The following SLC9A7 variants were observed in gnomAD, a reference collection of about 807,000 sequenced individuals.
SLC9A7 encodes solute carrier family 9 member A7.
A neutral mutation model predicts 52.6 loss-of-function variants in SLC9A7; 19 were observed. That is an observed-to-expected ratio of 0.36 (90% CI 0.25 to 0.53). The LOEUF (loss-of-function observed/expected upper bound fraction) is 0.53. Ranked by LOEUF, SLC9A7 falls within the 20% of genes least tolerant of loss-of-function variation. The pLI, the probability that SLC9A7 is intolerant of heterozygous loss-of-function variation, is 0.91. For synonymous variants in SLC9A7, 226 were observed against 252.1 expected, an observed-to-expected ratio of 0.90 and a Z score of 0.98; for missense variants, 455 against 597.9, an observed-to-expected ratio of 0.76 and a Z score of 2.49.
At chrX:46,608,060 T>C (rs1347022189) in intron 16 of SLC9A7, among the ~76,000 whole-genome samples, 1 of 112,423 alleles carries the variant, frequency 8.9e-6, no homozygotes, top group Non-Finnish European at 1.9e-5. Context: ...CATCCTCTTA[T>C]GAGACAGAGC....
intron 1 of SLC9A7, chrX:46,684,929 A>C (rs1022424053): frequency 8.8e-6 from 1 of 113,345 alleles, no homozygotes; most frequent in African/African-American, 3.3e-5. Context: ...GGGGCCCTGG[A>C]GATTCGTGGT....
rs1268972520 is a variant in SLC9A7 at position 46,605,032 on chromosome X, A to T, written c.*1920T>A. Reference sequence around the variant, plus strand: ...GGTGAAACCCCGTCTCTACTAAAAAATACAAAAAATTAGCCAGGCGTGGTG... The same window carrying T: ...GGTGAAACCCCGTCTCTACTAAAAATTACAAAAAATTAGCCAGGCGTGGTG... On this transcript the variant is annotated 3_prime_UTR_variant, in exon 17 of 17. Coordinates refer to ENST00000616978, the MANE Select transcript of SLC9A7 (RefSeq NM_001257291.2). 3 of 110,489 alleles carry T rather than the reference A, an allele frequency of 2.7e-5. No individual in the cohort carries two copies. Among genetic ancestry groups the T allele is most frequent in the African/African-American group, 9.9e-5 (3 of 30,342 alleles). The allele number at this position is 110,489 out of a possible 1,213,427, so 9.1% of individuals were successfully genotyped here. A position where few individuals can be genotyped will look rare whatever the true frequency, so the allele number is the denominator to read the frequency against.
chrX:46,699,486 A>G (rs1944497594), intron 1 of SLC9A7, among the ~76,000 whole-genome samples: 1 of 111,987 alleles, frequency 8.9e-6, no homozygotes, highest in Admixed American at 9.5e-5. Flanking sequence ...ACTGAGTTCA[A>G]TATGGTATCC....
At chrX:46,689,324 C>G (rs1944347262) in intron 1 of SLC9A7, among the ~76,000 whole-genome samples, 1 of 112,348 alleles carries the variant, frequency 8.9e-6, no homozygotes, top group Non-Finnish European at 1.9e-5. Flanking sequence ...GAGGTTCATC[C>G]AAGTATTGTG....
At chrX:46,675,035 G>C (rs1459983456) in intron 3 of SLC9A7, among the ~76,000 whole-genome samples, 3 of 108,352 alleles carry the variant, frequency 2.8e-5, no homozygotes, top group African/African-American at 1.0e-4. Context: ...GTGAGGGAGA[G>C]AGAGAGAGAA....
intron 1 of SLC9A7, among the ~76,000 whole-genome samples, chrX:46,703,371 T>C (rs974617128): frequency 1.8e-5 from 2 of 112,323 alleles, no homozygotes; most frequent in Non-Finnish European, 3.8e-5. Context: ...GGTTTTCTAC[T>C]AGGATTAATA....
intron 1 of SLC9A7, among the ~76,000 whole-genome samples, chrX:46,739,220 C>A (rs1045624718): frequency 1.4e-4 from 16 of 111,649 alleles, no homozygotes; most frequent in Non-Finnish European, 3.0e-4. Flanking sequence ...TGCCTCGATA[C>A]CTGATTTCCT....
At chrX:46,608,650 CTTTTT>C (rs1942792478) in intron 16 of SLC9A7, among the ~76,000 whole-genome samples, 2 of 111,610 alleles carry the variant, frequency 1.8e-5, no homozygotes, top group African/African-American at 6.5e-5. Flanking sequence ...CTTTCTTTTT[CTTTTT>C]ATTTTTTGAG....
chrX:46,645,811 C>T (rs1048129273), intron 11 of SLC9A7, among the ~76,000 whole-genome samples: 4 of 110,675 alleles, frequency 3.6e-5, no homozygotes, highest in African/African-American at 1.3e-4. Flanking sequence ...TGAAACAAGG[C>T]GGGGCAGGGA....
At chrX:46,695,415 A>G (rs1313487988) in intron 1 of SLC9A7, among the ~76,000 whole-genome samples, 2 of 112,680 alleles carry the variant, frequency 1.8e-5, no homozygotes, top group Non-Finnish European at 3.8e-5. Flanking sequence ...ATGTAACACA[A>G]ACGTAAATCC....
intron 7 of SLC9A7, among the ~76,000 whole-genome samples, 160 bp downstream of exon 7, chrX:46,661,856 G>A (rs558418981): frequency 2.7e-5 from 3 of 111,961 alleles, no homozygotes; most frequent in Non-Finnish European, 5.6e-5. Flanking sequence ...GGACCCAACC[G>A]TCATGCTTCA....
At chrX:46,664,961 G>A (rs1943892440) in intron 5 of SLC9A7, among the ~76,000 whole-genome samples, 1 of 110,500 alleles carries the variant, frequency 9.0e-6, no homozygotes, top group Admixed American at 9.7e-5. Context: ...ACATAGCACT[G>A]ATCTGTTTCA....
intron 1 of SLC9A7, among the ~76,000 whole-genome samples, chrX:46,736,818 T>G (rs190068829): frequency 3.0e-4 from 33 of 111,759 alleles, no homozygotes; most frequent in African/African-American, 1.0e-3. Flanking sequence ...ATCTCTCTCT[T>G]GCAGCTCCCC....
intron 14 of SLC9A7, among the ~76,000 whole-genome samples, chrX:46,624,244 T>C (rs1259950446): frequency 1.8e-5 from 2 of 110,299 alleles, no homozygotes; most frequent in Non-Finnish European, 3.8e-5. Flanking sequence ...CCCCCCCCTA[T>C]AGCCAGTCAG....
chrX:46,716,206 CTA>C (rs999383760), intron 1 of SLC9A7, among the ~76,000 whole-genome samples: 31 of 111,370 alleles, frequency 2.8e-4, no homozygotes, highest in African/African-American at 9.8e-4. Context: ...ATGCATAAAC[CTA>C]GATGCATGAT....
intron 1 of SLC9A7, among the ~76,000 whole-genome samples, chrX:46,733,711 T>C (rs1306964112): frequency 1.8e-5 from 2 of 110,355 alleles, no homozygotes; most frequent in Non-Finnish European, 3.8e-5. Context: ...ACTATTGTAA[T>C]CCCTAGAGCA....
intron 13 of SLC9A7, among the ~76,000 whole-genome samples, chrX:46,633,568 A>G (rs1307903992): frequency 9.1e-6 from 1 of 109,455 alleles, no homozygotes; most frequent in Non-Finnish European, 1.9e-5. Context: ...CAGAGCCCAG[A>G]ACCAAACTGA....
chrX:46,653,302 G>A (rs1276224832), intron 8 of SLC9A7, among the ~76,000 whole-genome samples: 1 of 111,156 alleles, frequency 9.0e-6, no homozygotes, highest in Non-Finnish European at 1.9e-5. Context: ...GGGTGAAGGG[G>A]GAAGATCCCT....
At chrX:46,682,253 A>T in intron 2 of SLC9A7, 83 bp downstream of exon 2, 1 of 933,043 alleles carries the variant, frequency 1.1e-6, no homozygotes, top group Admixed American at 2.3e-5. Flanking sequence ...GGAGTTTGGA[A>T]GGATTTCTCT....
Sources: allele counts gnomAD v4.1 joint callset (sites outside exome capture counted in the v4.1 genomes callset), GRCh38; gene constraint gnomAD v4.1.1; transcripts MANE v1.5; gene names NCBI Gene and HGNC (gene_info 2026-07-23, HGNC 2026-07-21).